ASMTL: variants seen among roughly 807,000 people sequenced by gnomAD.
ASMTL encodes acetylserotonin O-methyltransferase like.
A neutral mutation model predicts 60.3 loss-of-function variants in ASMTL; 57 were observed. The ratio of observed to expected loss-of-function variants is 0.95; its 90% confidence interval spans 0.76 to 1.18. The LOEUF (loss-of-function observed/expected upper bound fraction) is 1.18, where lower values mean the gene tolerates loss of function less well. Ranked by LOEUF, ASMTL falls within the 50% of genes most tolerant of loss-of-function variation. The pLI, the probability that ASMTL is intolerant of heterozygous loss-of-function variation, is 0.00. For synonymous variants in ASMTL, 419 were observed against 373.0 expected (o/e 1.12, Z -1.42); for missense variants, 981 against 852.6 (o/e 1.15, Z -1.88).
At chrX:1,422,527 T>C (rs2090509189) in intron 8 of ASMTL, among the ~76,000 whole-genome samples, 1 of 152,120 alleles carries the variant, frequency 6.6e-6, no homozygotes, top group East Asian at 1.9e-4. Flanking sequence ...ACCCACTTCA[T>C]GCCCAGGTCA....
At position 1,435,684 on chromosome X, in the gene ASMTL, T is replaced by C. The variant is rs754771854; in HGVS notation, c.338+10A>G. ...ACCCGAGAGGGCTCAGAGGCCAACA[T>C]GGTGCTTACCGGGACAGCATCCTGT... On this transcript the variant is annotated intron_variant, in intron 4 of 12. Transcript: ENST00000381317. 1 of 1,613,486 alleles carries C rather than the reference T, an allele frequency of 6.2e-7. No homozygotes were observed. Among genetic ancestry groups the C allele is most frequent in the Non-Finnish European group, 8.5e-7 (1 of 1,179,804 alleles).
chrX:1,412,599 G>C (rs2090071789), intron 12 of ASMTL, 133 bp downstream of exon 12: 5 of 1,208,334 alleles, frequency 4.1e-6, no homozygotes, highest in Non-Finnish European at 6.0e-6. Context: ...CTGACCTCAG[G>C]TGATCCGCCC....
chrX:1,424,144 C>T (rs2090548177), intron 8 of ASMTL, among the ~76,000 whole-genome samples: 1 of 148,278 alleles, frequency 6.7e-6, no homozygotes, highest in Non-Finnish European at 1.5e-5. Context: ...ATTCATTCCC[C>T]CACCCATCCA....
intron 5 of ASMTL, 144 bp from the exon 6 acceptor site, chrX:1,432,521 C>T (rs2090824373): frequency 1.5e-6 from 1 of 688,522 alleles, no homozygotes; most frequent in African/African-American, 1.8e-5. Flanking sequence ...GAATAAGGTT[C>T]ATTTCGGACA....
chrX:1,438,324 G>A (rs2091024916), intron 3 of ASMTL, among the ~76,000 whole-genome samples: 1 of 152,074 alleles, frequency 6.6e-6, no homozygotes, highest in South Asian at 2.1e-4. Context: ...CAGACACCCA[G>A]AGGGGAGAAG....
intron 6 of ASMTL, among the ~76,000 whole-genome samples, chrX:1,430,404 T>C (rs1488099037): frequency 2.6e-5 from 4 of 152,110 alleles, no homozygotes; most frequent in Admixed American, 2.6e-4. Context: ...CTGCCGGGCT[T>C]ATTTCAATTG....
In ASMTL at chrX:1,415,894, G is replaced by A. The variant is rs760134844; in HGVS notation, c.1522+2079C>T. Among the ~76,000 whole-genome samples the A allele has an allele frequency of 1.4e-3, 218 of 151,756 alleles. 1 individual carries two copies. The highest frequency in any genetic ancestry group is 5.1e-3 in the African/African-American group (210 of 41,392). On this transcript the variant is annotated intron_variant, in intron 11 of 12. Coordinates refer to ENST00000381317, the MANE Select transcript of ASMTL (RefSeq NM_004192.4). Reference sequence around the variant, plus strand: ...TATACCCATCCAGATGCACAGAAATGCAGACACAAAGGCACACATGCAAGC... The same window carrying A: ...TATACCCATCCAGATGCACAGAAATACAGACACAAAGGCACACATGCAAGC...
intron 9 of ASMTL, among the ~76,000 whole-genome samples, chrX:1,420,944 AC>A (rs1387078747): frequency 6.9e-6 from 1 of 144,598 alleles, no homozygotes; most frequent in Non-Finnish European, 1.5e-5. Flanking sequence ...GCCTAATCAT[AC>A]CTGGCTAATC....
intron 1 of ASMTL, 136 bp from the exon 2 acceptor site, chrX:1,442,453 C>A (rs780228820): frequency 1.1e-4 from 109 of 991,358 alleles, no homozygotes; most frequent in Non-Finnish European, 1.5e-4. Context: ...CATCCATCCG[C>A]CAAGCTTTCC....
intron 12 of ASMTL, among the ~76,000 whole-genome samples, chrX:1,410,312 A>T (rs2089961596): frequency 6.7e-6 from 1 of 149,508 alleles, no homozygotes; most frequent in African/African-American, 2.5e-5. Context: ...AGGCTGAGGC[A>T]GGAGGATCGC....
In ASMTL at chrX:1,412,828, T is replaced by A. The variant is rs781456589; in HGVS notation, c.1549A>T (p.Ser517Cys). ...AGDFFRDPLPSAELYVLCRIL... is the reference protein window; with the variant it reads ...AGDFFRDPLPCAELYVLCRIL... ...CGGCACAGGACGTACAGCTCAGCGC[T>A]GGGGAGGGGGTCCCTGAAAAAGTCA... The change falls in exon 12 of 13, where the codon AGC (serine) becomes TGC (cysteine). Residue 517 changes from serine (S) to cysteine (C), a missense_variant. Ser to Cys is a moderately radical substitution (Grantham distance 112, BLOSUM62 -1). Transcript: ENST00000381317. 2 of 1,613,916 alleles carry A rather than the reference T, an allele frequency of 1.2e-6. No individual in the cohort carries two copies. Among genetic ancestry groups the A allele is most frequent in the East Asian group, 2.2e-5 (1 of 44,884 alleles).
intron 11 of ASMTL, among the ~76,000 whole-genome samples, chrX:1,415,172 C>T (rs1320407398): frequency 5.5e-5 from 4 of 72,722 alleles, no homozygotes; most frequent in African/African-American, 1.3e-4. Context: ...AACTCCTGAC[C>T]TCAGGTGATC....
At chrX:1,412,949 G>C (rs1215020189) in intron 11 of ASMTL, 95 bp from the exon 12 acceptor site, 13 of 1,391,896 alleles carry the variant, frequency 9.3e-6, no homozygotes, top group East Asian at 2.3e-5. Context: ...TCCTAAATCA[G>C]GGACAGAGAA....
chrX:1,429,651 G>A (rs1394093556), intron 6 of ASMTL, among the ~76,000 whole-genome samples: 4 of 151,980 alleles, frequency 2.6e-5, no homozygotes, highest in South Asian at 4.2e-4. Context: ...TAAAAAATTC[G>A]CCAGGCGTGG....
At position 1,427,887 on chromosome X, in the gene ASMTL, G is replaced by A; in HGVS notation, c.744C>T (p.Pro248=). ...CGCGGCTGCCCGCGTCCCTCTGAGTGGGCTCCGAGCCGCCCCCCTCCACGT... is the reference window on the plus strand; with the variant it reads ...CGCGGCTGCCCGCGTCCCTCTGAGTAGGCTCCGAGCCGCCCCCCTCCACGT... The part of the protein sequence containing the change: ...LSDVEGGGSE[P]TQRDAGSRDE... The change falls in exon 7 of 13, where the codon CCC becomes CCT. Residue 248 remains proline, a synonymous_variant. Transcript: ENST00000381317. 6.2e-7 allele frequency: 1 copy of A among 1,613,246 alleles called. No homozygotes were observed. Among genetic ancestry groups the A allele is most frequent in the Non-Finnish European group, 8.5e-7 (1 of 1,179,844 alleles).
At chrX:1,447,722 C>A (rs1369819822) in intron 1 of ASMTL, among the ~76,000 whole-genome samples, 5 of 151,502 alleles carry the variant, frequency 3.3e-5, no homozygotes, top group Admixed American at 2.0e-4. Flanking sequence ...ACAAGCACTG[C>A]CATCTTGGAC....
chrX:1,431,587 A>C (rs752841344), intron 6 of ASMTL, among the ~76,000 whole-genome samples: 9 of 142,812 alleles, frequency 6.3e-5, no homozygotes, highest in African/African-American at 2.3e-4. Flanking sequence ...TATAGTATAC[A>C]TATTACAGTA....
intron 11 of ASMTL, chrX:1,413,187 AC>A: frequency 3.5e-6 from 1 of 281,870 alleles, no homozygotes; most frequent in Non-Finnish European, 6.9e-6. Flanking sequence ...ACACGGCGAA[AC>A]CCCATCTCTA....
intron 8 of ASMTL, among the ~76,000 whole-genome samples, chrX:1,423,606 A>C: frequency 7.2e-6 from 1 of 137,934 alleles, no homozygotes; most frequent in Non-Finnish European, 1.5e-5. Context: ...TCATCCACCC[A>C]CCCATCTGCT....
Sources: gnomAD v4.1 joint callset for allele counts (sites outside exome capture counted in the v4.1 genomes callset) on GRCh38, gnomAD v4.1.1 for gene constraint, MANE v1.5 for transcripts, NCBI Gene and HGNC (gene_info 2026-07-23, HGNC 2026-07-21) for gene names.